Variants in NPAS3 observed in about 807,000 individuals in gnomAD.
NPAS3 encodes neuronal PAS domain protein 3.
A neutral mutation model predicts 73.1 loss-of-function variants in NPAS3; 14 were observed. The ratio of observed to expected loss-of-function variants is 0.19; its 90% CI spans 0.13 to 0.30. The LOEUF (loss-of-function observed/expected upper bound fraction) is 0.30, where lower values mean the gene tolerates loss of function less well. Among genes scored for constraint, NPAS3 ranks in the 10% least tolerant of loss-of-function variants. The pLI, the probability that NPAS3 is intolerant of heterozygous loss-of-function variation, is 1.00. For synonymous variants in NPAS3, 620 were observed against 541.5 expected, an observed-to-expected ratio of 1.14 and a Z score of -2.01; for missense variants, 1,096 against 1,250.0, an observed-to-expected ratio of 0.88 and a Z score of 1.86.
chr14:33,069,594 C>T (rs559128704), intron 2 of NPAS3, among the ~76,000 whole-genome samples: 1 of 152,248 alleles, frequency 6.6e-6, no homozygotes, highest in South Asian at 2.1e-4. Context: ...TGCCTGTTTC[C>T]CACCTTTCTC....
At chr14:32,940,863 G>C (rs1184697569) in intron 1 of NPAS3, among the ~76,000 whole-genome samples, 2 of 152,128 alleles carry the variant, frequency 1.3e-5, no homozygotes, top group Non-Finnish European at 2.9e-5. Flanking sequence ...TTGTTAAGTA[G>C]ATACATAATT....
chr14:32,989,598 G>T (rs550085195), intron 1 of NPAS3, among the ~76,000 whole-genome samples: 20 of 152,108 alleles, frequency 1.3e-4, no homozygotes, highest in East Asian at 3.9e-4. Flanking sequence ...TGAGCCGAGA[G>T]CCCGCCACTG....
chr14:33,334,425 A>G (rs1429685426), intron 3 of NPAS3, among the ~76,000 whole-genome samples: 1 of 152,136 alleles, frequency 6.6e-6, no homozygotes, highest in Admixed American at 6.6e-5. Context: ...TCTACTTTGC[A>G]TTTCTCTGTA....
chr14:33,443,467 G>C (rs916784527), intron 4 of NPAS3, among the ~76,000 whole-genome samples: 3 of 152,108 alleles, frequency 2.0e-5, no homozygotes, highest in African/African-American at 7.2e-5. Flanking sequence ...CAGCTGAGAG[G>C]CTCAAACAAA....
chr14:33,643,060 A>G lies in NPAS3; in HGVS notation c.559-33151A>G, dbSNP rs374935862. Among the ~76,000 whole-genome samples, 30 of 152,240 alleles carry G rather than the reference A, an allele frequency of 2.0e-4. No homozygotes were observed. The South Asian group carries it at 6.2e-3, about 32-fold the overall frequency. ...TAATCATCTCATCATATATAGATCAATCAGCCTTGTTAATGCTCTGATCTC... is the reference window on the plus strand; with the variant it reads ...TAATCATCTCATCATATATAGATCAGTCAGCCTTGTTAATGCTCTGATCTC... On this transcript the variant is annotated intron_variant, in intron 5 of 11. Transcript: ENST00000356141.
At chr14:33,496,830 G>A (rs1595029252) in intron 4 of NPAS3, among the ~76,000 whole-genome samples, 1 of 152,136 alleles carries the variant, frequency 6.6e-6, no homozygotes, top group South Asian at 2.1e-4. Context: ...ATTCAACATA[G>A]TATTGGAAGT....
chr14:33,692,994 G>A (rs1484884132), intron 6 of NPAS3, among the ~76,000 whole-genome samples: 1 of 152,040 alleles, frequency 6.6e-6, no homozygotes, highest in East Asian at 1.9e-4. Context: ...GGAAATGAGA[G>A]CAAAAACAGT....
At chr14:33,761,043 G>C (rs981679419) in intron 7 of NPAS3, among the ~76,000 whole-genome samples, 1 of 152,134 alleles carries the variant, frequency 6.6e-6, no homozygotes, top group Non-Finnish European at 1.5e-5. Flanking sequence ...TAATGATAGA[G>C]CTACCAAGAA....
intron 1 of NPAS3, among the ~76,000 whole-genome samples, chr14:33,030,657 C>T (rs1184622615): frequency 6.6e-6 from 1 of 152,088 alleles, no homozygotes; most frequent in African/African-American, 2.4e-5. Context: ...ACAAGATACT[C>T]ATATGCAAGC....
chr14:33,692,866 C>A (rs4381494), intron 6 of NPAS3, among the ~76,000 whole-genome samples: 1 of 122,860 alleles, frequency 8.1e-6, no homozygotes, highest in Admixed American at 8.9e-5. Flanking sequence ...AAAAAAAAGC[C>A]TTGAGTTAAT....
chr14:33,234,172 C>T (rs74555136), intron 3 of NPAS3, among the ~76,000 whole-genome samples: 132 of 152,178 alleles, frequency 8.7e-4, no homozygotes, highest in Admixed American at 2.2e-3. Flanking sequence ...GGTGGCAATT[C>T]CCTTTAAAAA....
chr14:32,968,772 CTT>C (rs144725905), intron 1 of NPAS3, among the ~76,000 whole-genome samples: 3 of 146,126 alleles, frequency 2.1e-5, no homozygotes, highest in Middle Eastern at 3.6e-3. Context: ...TACTTTCTTT[CTT>C]TTTTTTTTTT....
At chr14:33,564,037 C>T (rs2055798468) in intron 5 of NPAS3, among the ~76,000 whole-genome samples, 1 of 152,068 alleles carries the variant, frequency 6.6e-6, no homozygotes, top group African/African-American at 2.4e-5. Flanking sequence ...CTCCTCTTTC[C>T]ACAAAGGATT....
chr14:33,454,045 G>A (rs2139417127), intron 4 of NPAS3, among the ~76,000 whole-genome samples: 1 of 151,956 alleles, frequency 6.6e-6, no homozygotes, highest in South Asian at 2.1e-4. Context: ...TTTTTGCCCT[G>A]GCTGCCAGGG....
intron 4 of NPAS3, among the ~76,000 whole-genome samples, chr14:33,409,339 C>T (rs1346513426): frequency 6.6e-6 from 1 of 151,968 alleles, no homozygotes; most frequent in African/African-American, 2.4e-5. Context: ...ACTTTGGTGG[C>T]CTTTATACTG....
At chr14:33,659,064 C>T (rs1039389893) in intron 5 of NPAS3, among the ~76,000 whole-genome samples, 14 of 152,154 alleles carry the variant, frequency 9.2e-5, no homozygotes, top group African/African-American at 3.1e-4. Context: ...CTTGCTCATT[C>T]GTTCAATTAA....
chr14:33,746,251 C>T (rs1425635825), intron 7 of NPAS3, among the ~76,000 whole-genome samples: 2 of 151,378 alleles, frequency 1.3e-5, no homozygotes, highest in Non-Finnish European at 2.9e-5. Flanking sequence ...TGCAGTGGCA[C>T]GATCTCAGCT....
chr14:33,523,797 G>A (rs1208249832), intron 4 of NPAS3, among the ~76,000 whole-genome samples: 3 of 151,904 alleles, frequency 2.0e-5, no homozygotes, highest in East Asian at 3.9e-4. Context: ...AAAAGACCCT[G>A]GCTAAGGAGA....
At chr14:33,172,750 AAAATT>A (rs1318267969) in intron 2 of NPAS3, among the ~76,000 whole-genome samples, 1 of 152,124 alleles carries the variant, frequency 6.6e-6, no homozygotes, top group African/African-American at 2.4e-5. Flanking sequence ...AAAAAAAAAA[AAAATT>A]AAAAATTGCA....
Sources: gnomAD v4.1 joint callset for allele counts (sites outside exome capture counted in the v4.1 genomes callset) on GRCh38, gnomAD v4.1.1 for gene constraint, MANE v1.5 for transcripts, NCBI Gene and HGNC (gene_info 2026-07-23, HGNC 2026-07-21) for gene names.